The following TMEM9 variants were observed in gnomAD, a reference collection of about 807,000 sequenced individuals.
TMEM9 encodes the protein proton-transporting V-type ATPase complex assembly regulator TMEM9.
A neutral mutation model predicts 22.8 loss-of-function variants in TMEM9; 13 were observed. That is an observed-to-expected ratio of 0.57 (90% CI 0.37 to 0.91). The LOEUF (loss-of-function observed/expected upper bound fraction) is 0.91, where lower values mean the gene tolerates loss of function less well. Among genes scored for constraint, TMEM9 ranks in the 40% least tolerant of loss-of-function variants. The probability of loss-of-function intolerance (pLI) is 0.01; values close to 1 mark genes in which losing one functional copy is unlikely to be tolerated. For synonymous variants in TMEM9, 88 were observed against 93.0 expected (o/e 0.95, Z 0.31); for missense variants, 182 against 238.1 (o/e 0.76, Z 1.55).
At chr1:201,153,755 G>GGTA (rs1558117097) in intron 1 of TMEM9, 103 bp downstream of exon 1, 1 of 1,574,014 alleles carries the variant, frequency 6.4e-7, no homozygotes, top group East Asian at 2.4e-5. Context: ...AGGTGAGTGA[G>GGTA]AGGCAGGCTT....
chr1:201,135,581 G>T lies in TMEM9; in HGVS notation c.*82C>A. 1.4e-6 allele frequency: 2 copies of T among 1,379,320 alleles called. No individual in the cohort carries two copies. Among genetic ancestry groups the T allele is most frequent in the South Asian group, 1.6e-5 (1 of 62,108 alleles). The allele number at this position is 1,379,320 out of a possible 1,614,324, so 85.4% of individuals were successfully genotyped here. A position where few individuals can be genotyped will look rare whatever the true frequency, so the allele number is the denominator to read the frequency against. Reference sequence around the variant, plus strand: ...AAAGGGAAGACTGGAACCGAGGGAAGGGAGAAGTAGCCCCCTGCTTTGTCC... The same window carrying T: ...AAAGGGAAGACTGGAACCGAGGGAATGGAGAAGTAGCCCCCTGCTTTGTCC... On this transcript the variant is annotated 3_prime_UTR_variant, in exon 5 of 5. Transcript: ENST00000367330.
rs1381897268 is a variant in TMEM9 at position 201,153,818 on chromosome 1, C to T, written c.66+40G>A. The T allele has an allele frequency of 2.5e-6, 4 of 1,612,412 alleles. No homozygotes were observed. In the African/African-American group the frequency reaches 5.3e-5, roughly 22 times the overall value. On this transcript the variant is annotated intron_variant, in intron 1 of 4. Transcript: ENST00000367330. ...GCCCTGTAGACAGGGTGGCCGTGCA[C>T]TGTGGTCGTGACCAGGTGCTGCAGG...
upstream of TMEM9, among the ~76,000 whole-genome samples, chr1:201,157,538 C>T (rs1665834755): frequency 6.6e-6 from 1 of 152,190 alleles, no homozygotes; most frequent in Non-Finnish European, 1.5e-5. Context: ...GAAGTTCTGC[C>T]AAGGACTTTT....
intron 1 of TMEM9, among the ~76,000 whole-genome samples, chr1:201,152,572 G>C (rs1171642223): frequency 6.6e-6 from 1 of 152,078 alleles, no homozygotes; most frequent in African/African-American, 2.4e-5. Context: ...AACTTAGGTG[G>C]GTCACCCTTA....
intron 4 of TMEM9, among the ~76,000 whole-genome samples, chr1:201,136,991 TGAGGAGGCTGGGAGA>T (rs1166247707): frequency 3.3e-5 from 5 of 152,208 alleles, no homozygotes; most frequent in African/African-American, 4.8e-5. Context: ...AAGCTGGCAG[TGAGGAGGCTGGGAGA>T]GGGTTCATCA....
chr1:201,170,543 C>T (rs1051266172), intron 1 of TMEM9, among the ~76,000 whole-genome samples: 2 of 152,116 alleles, frequency 1.3e-5, no homozygotes, highest in African/African-American at 4.8e-5. Context: ...GAAATGCTGA[C>T]AAGTCTGAGA....
At chr1:201,152,616 A>G (rs182055182) in intron 1 of TMEM9, among the ~76,000 whole-genome samples, 1 of 152,348 alleles carries the variant, frequency 6.6e-6, no homozygotes, top group East Asian at 1.9e-4. Flanking sequence ...AGGACTTTAC[A>G]CTTACAGGGC....
intron 3 of TMEM9, 47 bp downstream of exon 3, chr1:201,146,693 G>C (rs552583622): frequency 6.4e-7 from 1 of 1,568,338 alleles, no homozygotes; most frequent in Non-Finnish European, 8.8e-7. Flanking sequence ...TGCGATTGGA[G>C]AATGGCGTGT....
upstream of TMEM9, among the ~76,000 whole-genome samples, chr1:201,158,495 C>T (rs975082509): frequency 6.6e-6 from 1 of 151,974 alleles, no homozygotes; most frequent in Non-Finnish European, 1.5e-5. Context: ...TGGGGAAGTT[C>T]AGGGAGAGAC....
intron 1 of TMEM9, among the ~76,000 whole-genome samples, chr1:201,168,966 A>AT (rs1666147048): frequency 2.2e-5 from 1 of 45,982 alleles, no homozygotes; most frequent in Non-Finnish European, 4.0e-5. Flanking sequence ...TAATTATATT[A>AT]CTTTTTTTTT....
intron 4 of TMEM9, among the ~76,000 whole-genome samples, chr1:201,142,223 A>C (rs894504510): frequency 2.0e-5 from 3 of 152,234 alleles, no homozygotes; most frequent in Admixed American, 1.3e-4. Flanking sequence ...GGAGCAGTCC[A>C]GGCATGTGCG....
At chr1:201,140,963 C>T (rs1221544555) in intron 4 of TMEM9, among the ~76,000 whole-genome samples, 1 of 152,194 alleles carries the variant, frequency 6.6e-6, no homozygotes, top group Non-Finnish European at 1.5e-5. Context: ...TCGTCCAGGA[C>T]TAGGGCCCCC....
chr1:201,155,319 TG>T (rs1399387785), upstream of TMEM9, among the ~76,000 whole-genome samples: 1 of 100,966 alleles, frequency 9.9e-6, no homozygotes, highest in Non-Finnish European at 1.8e-5. Context: ...TTTGATATGT[TG>T]GGATTCCTTA....
chr1:201,142,770 G>A lies in TMEM9; in HGVS notation c.399+1050C>T, dbSNP rs371344263. ...GCAGCAGCCAACCCCGCCTGCCTTG[G>A]CTCCACGCCTCTAAGCAGCCCGCTC... On this transcript the variant is annotated intron_variant, in intron 4 of 4. Transcript: ENST00000367330. Among the ~76,000 whole-genome samples the A allele has an allele frequency of 1.3e-3, 198 of 152,324 alleles. 2 individuals carry two copies. The highest frequency in any genetic ancestry group is 4.6e-3 in the African/African-American group (193 of 41,562).
intron 4 of TMEM9, among the ~76,000 whole-genome samples, chr1:201,140,674 A>T (rs1026123706): frequency 3.9e-5 from 6 of 152,098 alleles, no homozygotes; most frequent in Non-Finnish European, 8.8e-5. Flanking sequence ...TCCAGATCTC[A>T]CCCCTAACTG....
chr1:201,155,174 CG>C (rs1387581099), upstream of TMEM9, among the ~76,000 whole-genome samples: 1 of 152,202 alleles, frequency 6.6e-6, no homozygotes, highest in African/African-American at 2.4e-5. Context: ...GTGAGGACAC[CG>C]GGGCTTTGGC....
chr1:201,143,201 A>T (rs1042627403), intron 4 of TMEM9, among the ~76,000 whole-genome samples: 2 of 152,120 alleles, frequency 1.3e-5, no homozygotes, highest in Non-Finnish European at 2.9e-5. Flanking sequence ...CCTTAGCTTG[A>T]CATTTGGGAC....
chr1:201,148,813 T>C (rs1162930436), intron 2 of TMEM9, among the ~76,000 whole-genome samples: 1 of 152,264 alleles, frequency 6.6e-6, no homozygotes, highest in African/African-American at 2.4e-5. Flanking sequence ...GTGTCCAACA[T>C]GTTATTCCCT....
chr1:201,149,001 T>C (rs557757383), intron 2 of TMEM9, among the ~76,000 whole-genome samples: 1 of 152,320 alleles, frequency 6.6e-6, no homozygotes, highest in South Asian at 2.1e-4. Context: ...ATTCCTCCCT[T>C]ACCTGAGCTA....
Sources: gnomAD v4.1 joint callset for allele counts (sites outside exome capture counted in the v4.1 genomes callset) on GRCh38, gnomAD v4.1.1 for gene constraint, MANE v1.5 for transcripts, NCBI Gene and HGNC (gene_info 2026-07-23, HGNC 2026-07-21) for gene names.